DIPK1B: variants seen among roughly 807,000 people sequenced by gnomAD.
DIPK1B encodes family with sequence similarity 69 member B.
In DIPK1B, 17 loss-of-function variants were observed where a neutral mutation model predicts 20.7. The ratio of observed to expected loss-of-function variants is 0.82; its 90% CI spans 0.56 to 1.23. The LOEUF (loss-of-function observed/expected upper bound fraction) is 1.23. Ranked by LOEUF, DIPK1B falls within the 50% of genes most tolerant of loss-of-function variation. The probability of loss-of-function intolerance (pLI) is 0.00; values close to 1 mark genes in which losing one functional copy is unlikely to be tolerated. For missense variants in DIPK1B, 648 were observed against 601.8 expected (o/e 1.08, Z -0.80); for synonymous variants, 343 against 276.5 (o/e 1.24, Z -2.39).
At chr9:136,717,847 C>T in intron 2 of DIPK1B, 136 bp downstream of exon 2, 1 of 1,360,764 alleles carries the variant, frequency 7.3e-7, no homozygotes, top group Admixed American at 2.1e-5. Context: ...GTGGAATCTG[C>T]AAAGCTGCCT....
At chr9:136,722,355 C>A (rs1846620750) in intron 4 of DIPK1B, 54 bp downstream of exon 4, 5 of 1,559,538 alleles carry the variant, frequency 3.2e-6, no homozygotes, top group Non-Finnish European at 3.5e-6. Flanking sequence ...GGTCATATGC[C>A]CAGCAGGCGG....
Position 136,723,337 on chromosome 9 carries a change from C to T in DIPK1B, c.859C>T (p.His287Tyr). 6.2e-7 allele frequency: 1 copy of T among 1,613,340 alleles called. No individual in the cohort carries two copies. The highest frequency in any genetic ancestry group is 8.5e-7 in the Non-Finnish European group (1 of 1,179,878). The change falls in exon 5 of 5, where the codon CAC becomes TAC. Residue 287 changes from histidine (H) to tyrosine (Y), a missense_variant. Physicochemically the swap from His to Tyr is moderately conservative, Grantham distance 83. Transcript: ENST00000371692. ...GLLEFVEELF[H>Y]GSYGTFYMCE... The stretch of plus-strand genomic sequence containing the variant: ...GCTGGAGTTCGTGGAGGAGCTCTTC[C>T]ACGGCTCTTACGGGACTTTCTACAT...
chr9:136,723,330 G>C lies in DIPK1B; in HGVS notation c.852G>C (p.Glu284Asp). ...IAIGLLEFVE[E>D]LFHGSYGTFY... ...TCGGCCTGCTGGAGTTCGTGGAGGAGCTCTTCCACGGCTCTTACGGGACTT... is the reference window on the plus strand; with the variant it reads ...TCGGCCTGCTGGAGTTCGTGGAGGACCTCTTCCACGGCTCTTACGGGACTT... Residue 284 changes from glutamate (E) to aspartate (D), a missense_variant, in exon 5 of 5, where the codon GAG becomes GAC. Transcript: ENST00000371692. 1.9e-6 allele frequency: 3 copies of C among 1,613,250 alleles called. No individual in the cohort carries two copies. The highest frequency in any genetic ancestry group is 2.5e-6 in the Non-Finnish European group (3 of 1,179,874).
intron 2 of DIPK1B, among the ~76,000 whole-genome samples, chr9:136,720,563 G>C (rs1197460323): frequency 1.3e-5 from 2 of 152,202 alleles, no homozygotes; most frequent in Non-Finnish European, 2.9e-5. Flanking sequence ...GAGCTAGGGT[G>C]GGGGCTGAGG....
At chr9:136,715,867 C>T (rs550236744) in intron 1 of DIPK1B, among the ~76,000 whole-genome samples, 67 of 152,130 alleles carry the variant, frequency 4.4e-4, no homozygotes, top group Non-Finnish European at 8.4e-4. Flanking sequence ...CATCTTAACC[C>T]TGTTTAAGGG....
chr9:136,717,219 A>C (rs1588281490), intron 1 of DIPK1B, among the ~76,000 whole-genome samples: 3 of 146,916 alleles, frequency 2.0e-5, no homozygotes, highest in African/African-American at 2.5e-5. Flanking sequence ...ACAGAGTAAG[A>C]CTCCCTCTCA....
intron 2 of DIPK1B, among the ~76,000 whole-genome samples, chr9:136,719,441 G>A (rs1022422335): frequency 5.9e-5 from 9 of 152,196 alleles, no homozygotes; most frequent in Non-Finnish European, 2.9e-5. Flanking sequence ...GGCATTGGAC[G>A]CCTCAGAGAG....
At chr9:136,719,435 T>C (rs990061230) in intron 2 of DIPK1B, among the ~76,000 whole-genome samples, 2 of 152,154 alleles carry the variant, frequency 1.3e-5, no homozygotes, top group Non-Finnish European at 2.9e-5. Context: ...CGTGGGGGCA[T>C]TGGACGCCTC....
chr9:136,718,442 C>T (rs937701835), intron 2 of DIPK1B, among the ~76,000 whole-genome samples: 5 of 152,230 alleles, frequency 3.3e-5, no homozygotes, highest in East Asian at 3.9e-4. Context: ...TGGGAGCAAA[C>T]GTGTCCACAT....
chr9:136,714,304 G>A (rs71508872), intron 1 of DIPK1B, among the ~76,000 whole-genome samples: 2,637 of 152,324 alleles, frequency 0.017, 26 homozygotes, highest in Non-Finnish European at 0.028. Context: ...TCCAGCCTGG[G>A]CAACACAGCA....
In DIPK1B at chr9:136,723,153, T is replaced by C; in HGVS notation, c.675T>C (p.Cys225=). The change falls in exon 5 of 5, where the codon TGT becomes TGC. Residue 225 remains cysteine, a synonymous_variant. Transcript: ENST00000371692. ...KEHASRLLGY[C]GDLYLTEGVP... ...ACGCCTCCAGACTGCTGGGCTACTG[T>C]GGGGACCTCTACCTCACCGAGGGCG... 7 of 1,613,396 alleles carry C rather than the reference T, an allele frequency of 4.3e-6. No homozygotes were observed. The highest frequency in any genetic ancestry group is 1.7e-5 in the Admixed American group (1 of 60,022).
At chr9:136,722,513 C>A in intron 4 of DIPK1B, 1 of 639,374 alleles carries the variant, frequency 1.6e-6, no homozygotes, top group Non-Finnish European at 2.7e-6. Context: ...CGCCGGTGGG[C>A]TGGCAGCTGA....
intron 2 of DIPK1B, among the ~76,000 whole-genome samples, chr9:136,720,355 C>CCCTCCCT (rs1476220972): frequency 6.6e-6 from 1 of 152,134 alleles, no homozygotes; most frequent in Non-Finnish European, 1.5e-5. Context: ...GGGGCGGGGA[C>CCCTCCCT]CCTCCCTCCT....
At chr9:136,719,948 GGGGCTGTGT>G (rs1465802407) in intron 2 of DIPK1B, among the ~76,000 whole-genome samples, 1 of 145,572 alleles carries the variant, frequency 6.9e-6, no homozygotes, top group African/African-American at 2.5e-5. Flanking sequence ...CCGGGTGCAG[GGGGCTGTGT>G]GGGCTGGGGC....
intron 1 of DIPK1B, among the ~76,000 whole-genome samples, chr9:136,714,162 CAGCTGGGGAAGATCA>C (rs1564305452): frequency 1.3e-5 from 2 of 152,178 alleles, no homozygotes; most frequent in Non-Finnish European, 2.9e-5. Flanking sequence ...TCAGGGATGG[CAGCTGGGGAAGATCA>C]AGACCTAGGG....
At chr9:136,714,350 G>A (rs2131039142) in intron 1 of DIPK1B, among the ~76,000 whole-genome samples, 1 of 152,350 alleles carries the variant, frequency 6.6e-6, no homozygotes, top group East Asian at 1.9e-4. Context: ...CAACGAAAGA[G>A]CTGGGGGATG....
intron 1 of DIPK1B, among the ~76,000 whole-genome samples, chr9:136,713,319 G>C (rs1846452200): frequency 6.6e-6 from 1 of 152,176 alleles, no homozygotes; most frequent in East Asian, 1.9e-4. Context: ...CCAATCATCC[G>C]GGGCCCGGCC....
chr9:136,723,473 G>A lies in DIPK1B; in HGVS notation c.995G>A (p.Arg332His), dbSNP rs1459875260. 5.0e-6 allele frequency: 8 copies of A among 1,609,950 alleles called. No homozygotes were observed. Among genetic ancestry groups the A allele is most frequent in the Non-Finnish European group, 6.8e-6 (8 of 1,178,484 alleles). ...EATVRRFLQGRRCEHSTDCTY... is the reference protein window; with the variant it reads ...EATVRRFLQGHRCEHSTDCTY... ...ACCGTGCGCCGCTTCCTGCAGGGCC[G>A]CCGCTGCGAGCACAGCACCGACTGC... Residue 332 changes from arginine (R) to histidine (H), a missense_variant, in exon 5 of 5, where the codon CGC becomes CAC. By Grantham distance (29) the Arg-to-His change is conservative. Coordinates refer to ENST00000371692, the MANE Select transcript of DIPK1B (RefSeq NM_152421.4).
chr9:136,723,723 C>A lies in DIPK1B; in HGVS notation c.1245C>A (p.Ser415Arg). 2.0e-6 allele frequency: 3 copies of A among 1,536,260 alleles called. No homozygotes were observed. Among genetic ancestry groups the A allele is most frequent in the Non-Finnish European group, 2.6e-6 (3 of 1,146,952 alleles). The change falls in exon 5 of 5, where the codon AGC becomes AGA. Residue 415 changes from serine to arginine, a missense_variant. Ser to Arg is a moderately radical substitution (Grantham distance 110). Coordinates refer to ENST00000371692, the MANE Select transcript of DIPK1B (RefSeq NM_152421.4). ...AGGCCCATCACTCGCTGGTGCTCAG[C>A]CACCTCAAGACTCTGCTCTGGAAGA... is the stretch of plus-strand genomic sequence containing the variant. ...QVEAHHSLVL[S>R]HLKTLLWKKI...
Sources: allele counts gnomAD v4.1 joint callset (sites outside exome capture counted in the v4.1 genomes callset), GRCh38; gene constraint gnomAD v4.1.1; transcripts MANE v1.5; gene names NCBI Gene and HGNC (gene_info 2026-07-23, HGNC 2026-07-21).